Variants in RGN observed in about 807,000 individuals in gnomAD.
RGN encodes the protein regucalcin, also known as epididymis secretory protein Li 41.
Under a neutral mutation model 20.6 loss-of-function variants are expected in RGN, and 19 were observed. That is an observed-to-expected ratio of 0.92 (90% CI 0.64 to 1.35). The LOEUF (loss-of-function observed/expected upper bound fraction) is 1.35, where lower values mean the gene tolerates loss of function less well. RGN is among the 40% of genes most tolerant of loss of function. RGN has a pLI of 0.00. For synonymous variants in RGN, 85 were observed against 87.2 expected (o/e 0.97, Z 0.14); for missense variants, 302 against 232.7 (o/e 1.30, Z -1.94).
chrX:47,090,941 AAAG>A (rs1490071896), intron 5 of RGN, among the ~76,000 whole-genome samples: 1 of 29,953 alleles, frequency 3.3e-5, no homozygotes, highest in Non-Finnish European at 9.8e-5. Flanking sequence ...AGAAAGAAAG[AAAG>A]AAAGAAAGAA....
At position 47,081,266 on chromosome X, in the gene RGN, G is replaced by T; in HGVS notation, c.122G>T (p.Arg41Leu). 1 of 1,210,789 alleles carries T rather than the reference G, an allele frequency of 8.3e-7. No homozygotes were observed. The highest frequency in any genetic ancestry group is 1.1e-6 in the Non-Finnish European group (1 of 894,905). ...GACATTCCTGCAAAAAAGGTTTGCC[G>T]GTGGGATTCATTCACCAAGCAAGTA... ...FVDIPAKKVC[R>L]WDSFTKQVQR... Residue 41 changes from arginine to leucine, a missense_variant, in exon 3 of 8, where the codon CGG (arginine) becomes CTG (leucine). By Grantham distance (102) the Arg-to-Leu change is moderately radical. Coordinates refer to ENST00000397180, the MANE Select transcript of RGN (RefSeq NM_152869.4).
In RGN at chrX:47,090,073, C is replaced by G. The variant is rs967461042; in HGVS notation, c.562+82C>G. 26 of 658,732 alleles carry G rather than the reference C, an allele frequency of 3.9e-5. No individual in the cohort carries two copies. In the African/African-American group the frequency reaches 5.8e-4, roughly 15 times the overall value. The allele number at this position is 658,732 out of a possible 1,213,427, so 54.3% of individuals were successfully genotyped here. A position where few individuals can be genotyped will look rare whatever the true frequency, so the allele number is the denominator to read the frequency against. ...GACTAGTAAGGCGCCTCTCCCTCGC[C>G]TCATGTGAAGAAGTCTTCACTTAAA... On this transcript the variant is annotated intron_variant, in intron 5 of 7. Coordinates refer to ENST00000397180, the MANE Select transcript of RGN (RefSeq NM_152869.4).
intron 6 of RGN, 82 bp from the exon 7 acceptor site, chrX:47,091,979 T>C (rs1931035038): frequency 1.0e-6 from 1 of 960,120 alleles, no homozygotes; most frequent in Non-Finnish European, 1.4e-6. Flanking sequence ...ACCTCCACAG[T>C]CTTCTTAGAT....
intron 4 of RGN, among the ~76,000 whole-genome samples, chrX:47,085,254 C>T (rs1367906766): frequency 1.8e-5 from 2 of 111,540 alleles, no homozygotes; most frequent in African/African-American, 6.5e-5. Context: ...CGTGGTGGCT[C>T]ACGCCTGTAA....
At chrX:47,082,583 G>A (rs1930387546) in intron 3 of RGN, among the ~76,000 whole-genome samples, 1 of 111,297 alleles carries the variant, frequency 9.0e-6, no homozygotes, top group Admixed American at 9.6e-5. Context: ...AAAGTGCTGA[G>A]ATTACAGGTG....
At chrX:47,090,927 A>AGAAAGAAAGAAAGAAGGAAGGAAG (rs1930945638) in intron 5 of RGN, among the ~76,000 whole-genome samples, 1 of 31,145 alleles carries the variant, frequency 3.2e-5, no homozygotes, top group African/African-American at 9.5e-5. Flanking sequence ...AAAGAAAGAA[A>AGAAAGAAAGAAAGAAGGAAGGAAG]GAAAGAAAGA....
chrX:47,090,911 AGAAG>A (rs1491217504), intron 5 of RGN, among the ~76,000 whole-genome samples: 1 of 27,842 alleles, frequency 3.6e-5, no homozygotes, highest in Non-Finnish European at 7.4e-5. Context: ...GAAAGAAAGA[AGAAG>A]GAAAGAAAGA....
At chrX:47,087,562 T>C (rs1182347605) in intron 4 of RGN, 2 of 110,455 alleles carry the variant, frequency 1.8e-5, no homozygotes, top group Non-Finnish European at 3.8e-5. Flanking sequence ...AAGATTAGCA[T>C]GGCCTCTGCA....
intron 7 of RGN, 101 bp downstream of exon 7, chrX:47,092,316 A>T: frequency 1.4e-6 from 1 of 729,367 alleles, no homozygotes; most frequent in Non-Finnish European, 2.0e-6. Flanking sequence ...CCAAAGCATA[A>T]TCCTATTTAG....
At chrX:47,089,189 G>C (rs2147022155) in intron 4 of RGN, among the ~76,000 whole-genome samples, 1 of 105,019 alleles carries the variant, frequency 9.5e-6, no homozygotes, top group East Asian at 3.0e-4. Context: ...GCTTTTCAGA[G>C]TTCCAAGATG....
chrX:47,079,123 C>T (rs1256328754), intron 1 of RGN, among the ~76,000 whole-genome samples: 1 of 109,116 alleles, frequency 9.2e-6, no homozygotes, highest in Non-Finnish European at 1.9e-5. Context: ...CTAAGCCCGG[C>T]TAATTTTTTG....
rs1930878111 is a variant in RGN, at chrX:47,090,086, G to A, written c.562+95G>A. On this transcript the variant is annotated intron_variant, in intron 5 of 7. Coordinates refer to ENST00000397180, the MANE Select transcript of RGN (RefSeq NM_152869.4). ...CCTCTCCCTCGCCTCATGTGAAGAA[G>A]TCTTCACTTAAATGGAGAGCTTTCT... is the stretch of plus-strand genomic sequence containing the variant. 7.1e-6 allele frequency: 4 copies of A among 564,185 alleles called. No homozygotes were observed. In the East Asian group the frequency reaches 1.1e-4, roughly 15 times the overall value. The allele number at this position is 564,185 out of a possible 1,213,427, so 46.5% of individuals were successfully genotyped here. A position where few individuals can be genotyped will look rare whatever the true frequency, so the allele number is the denominator to read the frequency against.
intron 4 of RGN, among the ~76,000 whole-genome samples, chrX:47,086,755 GA>G (rs1556384459): frequency 4.9e-5 from 5 of 101,962 alleles, no homozygotes; most frequent in African/African-American, 1.9e-4. Context: ...GAGAGAGAGA[GA>G]GAGAGAGAGA....
At chrX:47,086,898 CAGAG>C (rs2147018097) in intron 4 of RGN, among the ~76,000 whole-genome samples, 1 of 110,722 alleles carries the variant, frequency 9.0e-6, no homozygotes, top group South Asian at 3.9e-4. Context: ...CAGACAATGA[CAGAG>C]GGAACTATCC....
rs1931034406 is a variant in RGN, at chrX:47,091,951, A to G, written c.695-110A>G. The G allele has an allele frequency of 5.3e-6, 5 of 951,039 alleles. No individual in the cohort carries two copies. In the East Asian group the frequency reaches 9.5e-5, roughly 18 times the overall value. 78.4% of individuals were successfully genotyped at this position (951,039 alleles called of 1,213,427 possible). A position where few individuals can be genotyped will look rare whatever the true frequency, so the allele number is the denominator to read the frequency against. ...TCAGGGAAAGTAGATTAAATATTAA[A>G]TGCACAGATGAATCCTGACCTCCAC... On this transcript the variant is annotated intron_variant, in intron 6 of 7. Coordinates refer to ENST00000397180, the MANE Select transcript of RGN (RefSeq NM_152869.4).
At chrX:47,087,425 G>T (rs1394981741) in intron 4 of RGN, 1 of 111,893 alleles carries the variant, frequency 8.9e-6, no homozygotes, top group Admixed American at 9.6e-5. Context: ...ATTTCTGCAA[G>T]ATAAAGATAT....
chrX:47,085,238 G>A (rs782132290), intron 4 of RGN, among the ~76,000 whole-genome samples: 1 of 111,772 alleles, frequency 8.9e-6, no homozygotes, highest in South Asian at 3.8e-4. Flanking sequence ...AATAGTACAG[G>A]CCAGGCGTGG....
intron 3 of RGN, among the ~76,000 whole-genome samples, chrX:47,081,758 G>A (rs1377164798): frequency 2.7e-5 from 3 of 110,975 alleles, no homozygotes; most frequent in African/African-American, 9.8e-5. Context: ...TGTTGCCCAG[G>A]CTAGTCTCAA....
chrX:47,091,218 T>C (rs1039021713), intron 5 of RGN, among the ~76,000 whole-genome samples: 2 of 111,212 alleles, frequency 1.8e-5, no homozygotes, highest in Non-Finnish European at 3.8e-5. Flanking sequence ...AGTCTTGAAT[T>C]TGGAGCACTC....
Sources: allele counts gnomAD v4.1 joint callset (sites outside exome capture counted in the v4.1 genomes callset), GRCh38; gene constraint gnomAD v4.1.1; transcripts MANE v1.5; gene names NCBI Gene and HGNC (gene_info 2026-07-23, HGNC 2026-07-21).